The following CALHM4 variants were observed in gnomAD, a reference collection of about 807,000 sequenced individuals.
The protein encoded by CALHM4 is calcium homeostasis modulator family member 4, also known as calcium homeostasis modulator protein 4.
CALHM4 carries 16 observed loss-of-function variants against 13.3 expected under a neutral mutation model. That is an observed-to-expected ratio of 1.20 (90% CI 0.81 to 1.82). CALHM4 has a LOEUF of 1.82. Among genes scored for constraint, CALHM4 ranks in the 40% most tolerant of loss-of-function variants. The pLI, the probability that CALHM4 is intolerant of heterozygous loss-of-function variation, is 0.00. For missense variants in CALHM4, 344 were observed against 374.9 expected (o/e 0.92, Z 0.68); for synonymous variants, 127 against 137.1 (o/e 0.93, Z 0.52).
In CALHM4 at chr6:116,548,013, T is replaced by C. The variant is rs966468430; in HGVS notation, c.-1+4141T>C. Among the ~76,000 whole-genome samples the C allele has an allele frequency of 3.9e-5, 6 of 152,212 alleles. No homozygotes were observed. The East Asian group carries it at 5.8e-4, about 15-fold the overall frequency. On this transcript the variant is annotated intron_variant, in intron 2 of 2. Coordinates refer to the CALHM4 transcript ENST00000368597. Reference sequence around the variant, plus strand: ...GACATCCGCTGATCTGTCGGTTGTATGATCACCCGCAAACTATCAGAGAAG... The same window carrying C: ...GACATCCGCTGATCTGTCGGTTGTACGATCACCCGCAAACTATCAGAGAAG...
Position 116,558,084 on chromosome 6 carries a change from A to G in CALHM4, c.818A>G (p.Lys273Arg), listed in dbSNP as rs200705852. ...HIRIPSCQDW[K>R]DISVPTLLCM... ...CGCATTCCTTCTTGTCAGGACTGGA[A>G]AGATATTTCAGTACCCACTCTTTTA... is the stretch of plus-strand genomic sequence containing the variant. Residue 273 changes from lysine to arginine, a missense_variant, in exon 2 of 2, where the codon AAA becomes AGA. Transcript: ENST00000368596. 6.6e-5 allele frequency: 106 copies of G among 1,614,156 alleles called. No homozygotes were observed. The East Asian group carries it at 2.1e-3, about 33-fold the overall frequency.
chr6:116,535,531 G>C (rs1315323628), intron 1 of CALHM4, among the ~76,000 whole-genome samples: 1 of 152,176 alleles, frequency 6.6e-6, no homozygotes, highest in African/African-American at 2.4e-5. Context: ...TCATAAATGT[G>C]TTTGGAAACC....
chr6:116,555,801 C>A (rs1233945217), intron 1 of CALHM4, among the ~76,000 whole-genome samples: 2 of 152,186 alleles, frequency 1.3e-5, no homozygotes, highest in Non-Finnish European at 2.9e-5. Context: ...GAATTCAAAT[C>A]TTTTCTTTGC....
At chr6:116,534,069 C>A (rs548906167) in intron 1 of CALHM4, among the ~76,000 whole-genome samples, 4 of 152,066 alleles carry the variant, frequency 2.6e-5, no homozygotes, top group Non-Finnish European at 5.9e-5. Flanking sequence ...AGGATTCCTC[C>A]TTTGGGTACT....
At chr6:116,551,549 C>CT (rs369099846), upstream of CALHM4, among the ~76,000 whole-genome samples, 3,850 of 146,900 alleles carry the variant, frequency 0.026, 69 homozygotes, top group Middle Eastern at 0.099. Flanking sequence ...TTGTTTTATC[C>CT]TTTTTTTTTT....
Position 116,558,330 on chromosome 6 carries a change from G to C in CALHM4, c.*119G>C, listed in dbSNP as rs529007727. ...TTCTTTCTCTCTGATATTTGTTTAC[G>C]TAAGTCCATCTCAAATATTATTTCT... On this transcript the variant is annotated 3_prime_UTR_variant, in exon 2 of 2. Coordinates refer to ENST00000368596, the MANE Select transcript of CALHM4 (RefSeq NM_001366078.2). 2 of 1,100,232 alleles carry C rather than the reference G, an allele frequency of 1.8e-6. No individual in the cohort carries two copies. Among genetic ancestry groups the C allele is most frequent in the East Asian group, 2.5e-5 (1 of 39,880 alleles). 68.2% of individuals were successfully genotyped at this position (1,100,232 alleles called of 1,614,324 possible).
chr6:116,529,154 C>T (rs1400874733), exon 1 of CALHM4: 1 of 152,228 alleles, frequency 6.6e-6, no homozygotes, highest in Non-Finnish European at 1.5e-5. Flanking sequence ...CTGAGCCTTT[C>T]ACTTGGCTTT....
chr6:116,558,077 G>A lies in CALHM4; in HGVS notation c.811G>A (p.Asp271Asn). The A allele has an allele frequency of 6.2e-7, 1 of 1,614,160 alleles. No individual in the cohort carries two copies. The highest frequency in any genetic ancestry group is 8.5e-7 in the Non-Finnish European group (1 of 1,180,014). ...ACACATCCGCATTCCTTCTTGTCAG[G>A]ACTGGAAAGATATTTCAGTACCCAC... ...VKHIRIPSCQ[D>N]WKDISVPTLL... The change falls in exon 2 of 2, where the codon GAC becomes AAC. Residue 271 changes from aspartate to asparagine, a missense_variant. Coordinates refer to ENST00000368596, the MANE Select transcript of CALHM4 (RefSeq NM_001366078.2).
intron 1 of CALHM4, among the ~76,000 whole-genome samples, chr6:116,535,347 G>T (rs557278799): frequency 1.3e-5 from 2 of 152,276 alleles, no homozygotes; most frequent in South Asian, 4.1e-4. Context: ...CACTACATTG[G>T]ACATGGTTAG....
At chr6:116,534,930 A>G (rs1048043543) in intron 1 of CALHM4, among the ~76,000 whole-genome samples, 1 of 152,210 alleles carries the variant, frequency 6.6e-6, no homozygotes, top group Non-Finnish European at 1.5e-5. Context: ...TACTGTGACA[A>G]CAAAGTAATG....
At chr6:116,540,399 G>A in intron 1 of CALHM4, 23 of 1,551,208 alleles carry the variant, frequency 1.5e-5, no homozygotes, top group Non-Finnish European at 1.9e-5. Context: ...AATAACTATG[G>A]CATCTTCCCA....
upstream of CALHM4, chr6:116,553,733 A>G: frequency 7.0e-7 from 1 of 1,435,688 alleles, no homozygotes; most frequent in South Asian, 1.4e-5. Context: ...AAATGGTTAT[A>G]GCTGGTGGAG....
At chr6:116,551,344 C>A (rs1038392935), upstream of CALHM4, among the ~76,000 whole-genome samples, 1 of 152,286 alleles carries the variant, frequency 6.6e-6, no homozygotes, top group South Asian at 2.1e-4. Flanking sequence ...ACTTCCTAGG[C>A]AAGCACTGGT....
At chr6:116,556,095 T>G (rs936836780) in intron 1 of CALHM4, among the ~76,000 whole-genome samples, 2 of 152,200 alleles carry the variant, frequency 1.3e-5, no homozygotes, top group African/African-American at 4.8e-5. Flanking sequence ...TCATGCTATT[T>G]TCCTTTACCT....
In CALHM4 at chr6:116,560,168, A is replaced by T. The variant is rs1352885602; in HGVS notation, c.*1957A>T. ...AGTTCTAAAATTCTGTTCCTATATA[A>T]CTGATAATTTTTTATATTCTTCTGT... is the stretch of plus-strand genomic sequence containing the variant. On this transcript the variant is annotated 3_prime_UTR_variant, in exon 2 of 2. Transcript: ENST00000368596. 6.6e-6 allele frequency among the ~76,000 whole-genome samples: 1 copy of T among 152,134 alleles called. No homozygotes were observed. Among genetic ancestry groups the T allele is most frequent in the Non-Finnish European group, 1.5e-5 (1 of 68,014 alleles).
intron 2 of CALHM4, among the ~76,000 whole-genome samples, chr6:116,547,675 A>C (rs1314949059): frequency 6.6e-6 from 1 of 152,186 alleles, no homozygotes; most frequent in African/African-American, 2.4e-5. Flanking sequence ...CCTCCCTTAA[A>C]TAGAAGAAAG....
At chr6:116,535,979 G>A (rs2115213284) in intron 1 of CALHM4, among the ~76,000 whole-genome samples, 1 of 152,202 alleles carries the variant, frequency 6.6e-6, no homozygotes, top group East Asian at 1.9e-4. Context: ...GTTCTTATAA[G>A]GGAAATACAG....
chr6:116,549,732 T>C (rs978208591), upstream of CALHM4, among the ~76,000 whole-genome samples: 3 of 151,354 alleles, frequency 2.0e-5, no homozygotes, highest in Admixed American at 2.0e-4. Context: ...TCCCAGCACT[T>C]TGGGAGGCCG....
In CALHM4 at chr6:116,558,125, T is replaced by C; in HGVS notation, c.859T>C (p.Leu287=). The change falls in exon 2 of 2, where the codon TTG becomes CTG. Residue 287 remains leucine, a synonymous_variant. Transcript: ENST00000368596. ...CACTCTTTTATGCATGGGTGATGACTTGCAAGGTCACTATAGCTTCCTTGG... is the reference window on the plus strand; with the variant it reads ...CACTCTTTTATGCATGGGTGATGACCTGCAAGGTCACTATAGCTTCCTTGG... ...VPTLLCMGDD[L]QGHYSFLGNR... 1.2e-6 allele frequency: 2 copies of C among 1,614,136 alleles called. No individual in the cohort carries two copies. The highest frequency in any genetic ancestry group is 1.7e-6 in the Non-Finnish European group (2 of 1,179,982).
Sources: gnomAD v4.1 joint callset for allele counts (sites outside exome capture counted in the v4.1 genomes callset) on GRCh38, gnomAD v4.1.1 for gene constraint, MANE v1.5 for transcripts, NCBI Gene and HGNC (gene_info 2026-07-23, HGNC 2026-07-21) for gene names.